Variants in BAIAP2L1 observed in about 807,000 individuals in gnomAD.
BAIAP2L1 encodes the protein BAR/IMD domain-containing adapter protein 2-like 1.
BAIAP2L1 carries 35 observed loss-of-function variants against 66.3 expected under a neutral mutation model. That is an observed-to-expected ratio of 0.53 (90% confidence interval 0.40 to 0.70). The LOEUF is 0.70. Among genes scored for constraint, BAIAP2L1 ranks in the 30% least tolerant of loss-of-function variants. The pLI is 0.00. For synonymous variants in BAIAP2L1, 269 were observed against 248.7 expected, an observed-to-expected ratio of 1.08 and a Z score of -0.77; for missense variants, 622 against 656.9, an observed-to-expected ratio of 0.95 and a Z score of 0.58.
At chr7:98,393,054 T>TAC (rs1163930776) in intron 1 of BAIAP2L1, among the ~76,000 whole-genome samples, 1 of 107,656 alleles carries the variant, frequency 9.3e-6, no homozygotes, top group Non-Finnish European at 1.9e-5. Context: ...TACGTGTACA[T>TAC]ATATGTACAC....
intron 3 of BAIAP2L1, among the ~76,000 whole-genome samples, chr7:98,343,282 CACACAG>C (rs1244771239): frequency 6.7e-6 from 1 of 149,340 alleles, no homozygotes; most frequent in East Asian, 2.0e-4. Context: ...CACACACACA[CACACAG>C]ACACACACAC....
At chr7:98,332,452 G>A (rs1801519247) in intron 3 of BAIAP2L1, among the ~76,000 whole-genome samples, 1 of 142,552 alleles carries the variant, frequency 7.0e-6, no homozygotes, top group Non-Finnish European at 1.5e-5. Flanking sequence ...TTTCAGTGAG[G>A]TACAATCTAG....
intron 9 of BAIAP2L1, 90 bp downstream of exon 9, chr7:98,310,355 G>C: frequency 7.0e-7 from 1 of 1,421,032 alleles, no homozygotes; most frequent in South Asian, 1.3e-5. Flanking sequence ...TCCAAACCTT[G>C]CAATACATTT....
In BAIAP2L1 at chr7:98,315,727, T is replaced by C. The variant is rs1293277823; in HGVS notation, c.487-115A>G. 10 of 428,194 alleles carry C rather than the reference T, an allele frequency of 2.3e-5. No individual in the cohort carries two copies. The East Asian group carries it at 3.5e-4, about 15-fold the overall frequency. 26.5% of individuals were successfully genotyped at this position (428,194 alleles called of 1,614,324 possible). On this transcript the variant is annotated intron_variant, in intron 6 of 13. Coordinates refer to ENST00000005260, the MANE Select transcript of BAIAP2L1 (RefSeq NM_018842.5). Reference sequence around the variant, plus strand: ...CTTTACACCTGCTTTATTTGAATAATAGAGTAAATACATGAGAGGAAAGAA... The same window carrying C: ...CTTTACACCTGCTTTATTTGAATAACAGAGTAAATACATGAGAGGAAAGAA...
chr7:98,389,302 C>T (rs940109903), intron 1 of BAIAP2L1, among the ~76,000 whole-genome samples: 9 of 152,000 alleles, frequency 5.9e-5, no homozygotes, highest in Non-Finnish European at 8.8e-5. Flanking sequence ...ATCTTTTCTG[C>T]ACATTTGTTC....
intron 7 of BAIAP2L1, among the ~76,000 whole-genome samples, chr7:98,313,984 T>C (rs1309575495): frequency 9.1e-6 from 1 of 109,604 alleles, no homozygotes; most frequent in Non-Finnish European, 1.9e-5. Flanking sequence ...TTTTCTTCCT[T>C]TTTTTTTTTT....
chr7:98,315,474 A>C lies in BAIAP2L1; in HGVS notation c.625T>G (p.Tyr209Asp). The C allele has an allele frequency of 6.7e-7, 1 of 1,486,328 alleles. No homozygotes were observed. Among genetic ancestry groups the C allele is most frequent in the Non-Finnish European group, 9.0e-7 (1 of 1,112,678 alleles). 92.1% of individuals were successfully genotyped at this position (1,486,328 alleles called of 1,614,324 possible). ...ACCACACCCACCTGTAAGTGATAAT[A>C]ATGTATGTGGTTTGCAAAGCCACAG... is the stretch of plus-strand genomic sequence containing the variant. ...KHCGFANHIH[Y>D]YHLQSAELLN... The change falls in exon 7 of 14, where the codon TAT becomes GAT. Residue 209 changes from tyrosine to aspartate, a missense_variant. Physicochemically the swap from Tyr to Asp is radical, Grantham distance 160. Coordinates refer to ENST00000005260, the MANE Select transcript of BAIAP2L1 (RefSeq NM_018842.5).
At chr7:98,293,630 T>G (rs756410863) in intron 13 of BAIAP2L1, 34 bp from the exon 14 acceptor site, 1 of 1,594,128 alleles carries the variant, frequency 6.3e-7, no homozygotes, top group Non-Finnish European at 8.6e-7. Flanking sequence ...TCAGAACTTC[T>G]GCTCTACGAG....
At chr7:98,339,528 C>T (rs1801690921) in intron 3 of BAIAP2L1, among the ~76,000 whole-genome samples, 1 of 152,206 alleles carries the variant, frequency 6.6e-6, no homozygotes, top group Admixed American at 6.5e-5. Flanking sequence ...AAGACTCTAA[C>T]CCCCCACCAG....
chr7:98,342,590 T>A (rs1301534231), intron 3 of BAIAP2L1, among the ~76,000 whole-genome samples: 3 of 152,206 alleles, frequency 2.0e-5, no homozygotes, highest in African/African-American at 7.2e-5. Flanking sequence ...CAAAATGCAA[T>A]GGCTGACTAA....
chr7:98,387,757 C>T (rs1037553224), intron 1 of BAIAP2L1, among the ~76,000 whole-genome samples: 1 of 151,862 alleles, frequency 6.6e-6, no homozygotes, highest in Non-Finnish European at 1.5e-5. Context: ...GTCCCAGCCA[C>T]TCAGAAGGCT....
intron 3 of BAIAP2L1, among the ~76,000 whole-genome samples, chr7:98,331,640 G>A (rs925760821): frequency 6.6e-5 from 10 of 151,718 alleles, no homozygotes; most frequent in Admixed American, 1.3e-4. Context: ...AGCTAATTTC[G>A]TATTTTTAGT....
intron 3 of BAIAP2L1, among the ~76,000 whole-genome samples, chr7:98,340,433 G>A (rs1050696456): frequency 3.9e-5 from 6 of 152,012 alleles, no homozygotes; most frequent in East Asian, 3.9e-4. Flanking sequence ...GACTACAGGC[G>A]CCCGCCACCA....
intron 1 of BAIAP2L1, chr7:98,386,078 T>C: frequency 6.4e-7 from 1 of 1,568,132 alleles, no homozygotes; most frequent in South Asian, 1.1e-5. Context: ...CGGGTCATGA[T>C]TTCGATCATC....
intron 11 of BAIAP2L1, among the ~76,000 whole-genome samples, chr7:98,305,057 T>TTG (rs1554410684): frequency 7.0e-6 from 1 of 142,162 alleles, no homozygotes; most frequent in Non-Finnish European, 1.5e-5. Flanking sequence ...GTTTTTTTTT[T>TTG]TTTTTTTTTT....
intron 12 of BAIAP2L1, among the ~76,000 whole-genome samples, chr7:98,302,229 T>C (rs1165449014): frequency 6.6e-6 from 1 of 152,204 alleles, no homozygotes; most frequent in East Asian, 1.9e-4. Flanking sequence ...GACAGTACTT[T>C]CTTCACCAAG....
chr7:98,381,055 T>C (rs1017690143), intron 1 of BAIAP2L1, among the ~76,000 whole-genome samples: 2 of 152,182 alleles, frequency 1.3e-5, no homozygotes, highest in Non-Finnish European at 2.9e-5. Flanking sequence ...AAAGCATTTA[T>C]GCCTATGGAG....
chr7:98,341,415 G>A (rs527954601), intron 3 of BAIAP2L1, among the ~76,000 whole-genome samples: 3 of 152,224 alleles, frequency 2.0e-5, no homozygotes, highest in Admixed American at 6.5e-5. Flanking sequence ...AGGTGCAGTG[G>A]CTCATGTCTG....
intron 1 of BAIAP2L1, among the ~76,000 whole-genome samples, chr7:98,379,948 G>A (rs149576157): frequency 7.9e-5 from 12 of 152,308 alleles, no homozygotes; most frequent in African/African-American, 2.6e-4. Context: ...GGATCTTTTT[G>A]AGGTGACAGA....
Sources: gnomAD v4.1 joint callset for allele counts (sites outside exome capture counted in the v4.1 genomes callset) on GRCh38, gnomAD v4.1.1 for gene constraint, MANE v1.5 for transcripts, NCBI Gene and HGNC (gene_info 2026-07-23, HGNC 2026-07-21) for gene names.